Variants in CDK6 observed in about 807,000 individuals in gnomAD.
The protein encoded by CDK6 is cyclin dependent kinase 6.
Under a neutral mutation model 37.1 loss-of-function variants are expected in CDK6, and 6 were observed. The observed-to-expected ratio is 0.16, with a 90% confidence interval of 0.09 to 0.32. CDK6 has a LOEUF of 0.32. Among genes scored for constraint, CDK6 ranks in the 10% least tolerant of loss-of-function variants. The pLI is 1.00. For synonymous variants in CDK6, 160 were observed against 161.3 expected (o/e 0.99, Z 0.06); for missense variants, 224 against 418.9 (o/e 0.53, Z 4.06).
At chr7:92,829,008 G>A (rs762120445) in intron 2 of CDK6, among the ~76,000 whole-genome samples, 3 of 152,096 alleles carry the variant, frequency 2.0e-5, no homozygotes, top group Non-Finnish European at 2.9e-5. Flanking sequence ...CCTAGTAAAT[G>A]TATTATTCAA....
chr7:92,674,518 C>CA (rs1461912990), intron 4 of CDK6, among the ~76,000 whole-genome samples: 1 of 152,178 alleles, frequency 6.6e-6, no homozygotes, highest in African/African-American at 2.4e-5. Flanking sequence ...CAGTCATTTC[C>CA]AAAAGGGAAG....
At chr7:92,640,212 A>G (rs1796271210) in intron 5 of CDK6, among the ~76,000 whole-genome samples, 1 of 152,180 alleles carries the variant, frequency 6.6e-6, no homozygotes, top group African/African-American at 2.4e-5. Flanking sequence ...ACGGCACTGG[A>G]AACAGCTGGT....
At chr7:92,782,370 A>AT (rs1467853450) in intron 2 of CDK6, among the ~76,000 whole-genome samples, 3 of 152,044 alleles carry the variant, frequency 2.0e-5, no homozygotes, top group Non-Finnish European at 4.4e-5. Flanking sequence ...CCACACCCTT[A>AT]TTTTCTGTTG....
chr7:92,666,341 C>A (rs142422094), intron 5 of CDK6, among the ~76,000 whole-genome samples: 1 of 152,114 alleles, frequency 6.6e-6, no homozygotes, highest in Non-Finnish European at 1.5e-5. Flanking sequence ...TTTAAGTCAC[C>A]CCTCTAGAAG....
intron 2 of CDK6, among the ~76,000 whole-genome samples, chr7:92,818,142 GCAA>G (rs773758455): frequency 6.6e-6 from 1 of 151,950 alleles, no homozygotes; most frequent in Admixed American, 6.6e-5. Context: ...CAAAAGAAGA[GCAA>G]CAACAATTTT....
chr7:92,794,556 C>T (rs1213543337), intron 2 of CDK6, among the ~76,000 whole-genome samples: 1 of 152,080 alleles, frequency 6.6e-6, no homozygotes, highest in African/African-American at 2.4e-5. Flanking sequence ...GCTGTTACTG[C>T]TGCCTAGAAA....
intron 3 of CDK6, among the ~76,000 whole-genome samples, chr7:92,734,233 C>G (rs1205781624): frequency 1.3e-5 from 2 of 152,202 alleles, no homozygotes; most frequent in Non-Finnish European, 2.9e-5. Context: ...TCCTACACCT[C>G]TGAGGCTCCC....
intron 3 of CDK6, among the ~76,000 whole-genome samples, chr7:92,761,716 G>A (rs1488992514): frequency 1.3e-5 from 2 of 152,150 alleles, no homozygotes; most frequent in African/African-American, 4.8e-5. Flanking sequence ...TATAGAACTT[G>A]GTGATAAATA....
intron 6 of CDK6, among the ~76,000 whole-genome samples, chr7:92,619,292 A>G (rs1473713507): frequency 6.6e-6 from 1 of 152,168 alleles, no homozygotes; most frequent in African/African-American, 2.4e-5. Flanking sequence ...GGGTCAATGG[A>G]CTTACATAAC....
intron 5 of CDK6, among the ~76,000 whole-genome samples, chr7:92,624,652 C>G (rs939681059): frequency 2.0e-5 from 3 of 152,106 alleles, no homozygotes; most frequent in Non-Finnish European, 4.4e-5. Context: ...CACGAAGTTG[C>G]GCTCTGAAAG....
At chr7:92,664,241 G>A (rs866939643) in intron 5 of CDK6, among the ~76,000 whole-genome samples, 4 of 151,932 alleles carry the variant, frequency 2.6e-5, no homozygotes, top group Non-Finnish European at 5.9e-5. Flanking sequence ...TCCAACAAAA[G>A]GTAAGAAATC....
intron 3 of CDK6, among the ~76,000 whole-genome samples, chr7:92,746,832 T>C (rs1045047250): frequency 6.6e-6 from 1 of 152,214 alleles, no homozygotes; most frequent in Non-Finnish European, 1.5e-5. Context: ...TCTCTTATTG[T>C]AGTGAGATTT....
At chr7:92,641,870 C>A (rs944105899) in intron 5 of CDK6, among the ~76,000 whole-genome samples, 1 of 152,198 alleles carries the variant, frequency 6.6e-6, no homozygotes, top group Non-Finnish European at 1.5e-5. Flanking sequence ...GCCGGCCACA[C>A]AGCCTTAGAT....
At chr7:92,801,657 CTT>C (rs1338082719) in intron 2 of CDK6, among the ~76,000 whole-genome samples, 1 of 149,656 alleles carries the variant, frequency 6.7e-6, no homozygotes, top group Non-Finnish European at 1.5e-5. Context: ...CTCTTTCTCT[CTT>C]TCTTTCTTTT....
intron 2 of CDK6, among the ~76,000 whole-genome samples, chr7:92,804,114 T>C (rs966160215): frequency 1.2e-4 from 19 of 152,060 alleles, no homozygotes; most frequent in African/African-American, 1.4e-4. Context: ...ATTAGGACAA[T>C]TGAGAACAGA....
At chr7:92,790,938 T>C (rs956713880) in intron 2 of CDK6, among the ~76,000 whole-genome samples, 1 of 152,098 alleles carries the variant, frequency 6.6e-6, no homozygotes, top group African/African-American at 2.4e-5. Context: ...ACAAAGAACT[T>C]TGTTCCTCTG....
At chr7:92,727,057 T>C (rs1394628691) in intron 3 of CDK6, among the ~76,000 whole-genome samples, 1 of 152,170 alleles carries the variant, frequency 6.6e-6, no homozygotes, top group Non-Finnish European at 1.5e-5. Context: ...AATACAAATA[T>C]ACACAAGATT....
chr7:92,639,643 T>C (rs1336716914), intron 5 of CDK6, among the ~76,000 whole-genome samples: 1 of 152,192 alleles, frequency 6.6e-6, no homozygotes, highest in Non-Finnish European at 1.5e-5. Context: ...CCCTTCCTTT[T>C]CTGTAAATTT....
At chr7:92,719,610 C>T (rs1364527787) in intron 4 of CDK6, among the ~76,000 whole-genome samples, 1 of 152,182 alleles carries the variant, frequency 6.6e-6, no homozygotes, top group African/African-American at 2.4e-5. Context: ...TACTCCCACT[C>T]TTCCATTATG....
Sources: gnomAD v4.1 joint callset for allele counts (sites outside exome capture counted in the v4.1 genomes callset) on GRCh38, gnomAD v4.1.1 for gene constraint, MANE v1.5 for transcripts, NCBI Gene and HGNC (gene_info 2026-07-23, HGNC 2026-07-21) for gene names.